Variants in CADPS observed in about 807,000 individuals in gnomAD.
CADPS encodes the protein calcium-dependent secretion activator 1.
A neutral mutation model predicts 167.3 loss-of-function variants in CADPS; 57 were observed. The observed-to-expected ratio is 0.34, with a 90% confidence interval of 0.28 to 0.42. The LOEUF is 0.42. Ranked by LOEUF, CADPS falls within the 20% of genes least tolerant of loss-of-function variation. The pLI, the probability that CADPS is intolerant of heterozygous loss-of-function variation, is 1.00. For synonymous variants in CADPS, 676 were observed against 635.3 expected (o/e 1.06, Z -0.96); for missense variants, 1,414 against 1,738.1 (o/e 0.81, Z 3.32).
intron 1 of CADPS, among the ~76,000 whole-genome samples, chr3:62,785,563 T>A (rs1459371259): frequency 6.6e-6 from 1 of 152,212 alleles, no homozygotes; most frequent in African/African-American, 2.4e-5. Flanking sequence ...GAATGTAATG[T>A]GATACTGTTA....
chr3:62,662,175 G>A (rs961312838), intron 4 of CADPS, 139 bp downstream of exon 4: 6 of 727,422 alleles, frequency 8.2e-6, no homozygotes, highest in Non-Finnish European at 1.4e-5. Flanking sequence ...GAGGGCTGAG[G>A]GCCCAATGAG....
chr3:62,692,203 A>G (rs1184359531), intron 3 of CADPS, among the ~76,000 whole-genome samples: 3 of 151,968 alleles, frequency 2.0e-5, no homozygotes, highest in Admixed American at 6.6e-5. Context: ...ATAGATATAT[A>G]TAGCTACCCA....
intron 8 of CADPS, among the ~76,000 whole-genome samples, chr3:62,575,876 G>A (rs1368348343): frequency 2.0e-5 from 3 of 152,188 alleles, no homozygotes. Context: ...GCTTGAGGGA[G>A]GGGCTTTCCC....
At chr3:62,684,846 A>G (rs1019563779) in intron 3 of CADPS, among the ~76,000 whole-genome samples, 2 of 151,990 alleles carry the variant, frequency 1.3e-5, no homozygotes, top group African/African-American at 4.8e-5. Context: ...ATGCAAGACG[A>G]CATTTACTAG....
intron 3 of CADPS, among the ~76,000 whole-genome samples, chr3:62,679,937 T>A (rs2076887986): frequency 6.6e-6 from 1 of 152,034 alleles, no homozygotes; most frequent in Non-Finnish European, 1.5e-5. Flanking sequence ...GGATGCAGAA[T>A]CATTGATAAA....
rs77468449 is a variant in CADPS at position 62,412,436 on chromosome 3, A to G, written c.3778-9251T>C. On this transcript the variant is annotated intron_variant, in intron 28 of 29. Transcript: ENST00000383710. This position sits in a 1 kb window ranked among gnomAD's most constrained non-coding sequence, Gnocchi z 4.1. ...AATGCAAAAGACATAATAATTTAAA[A>G]GATATATTTAAATTATTACTGCTTA... Among the ~76,000 whole-genome samples, 6,793 of 152,204 alleles carry G rather than the reference A, an allele frequency of 0.045. 231 individuals carry two copies. The highest frequency in any genetic ancestry group is 0.058 in the South Asian group (279 of 4,818).
At chr3:62,723,231 G>T (rs776436677) in intron 3 of CADPS, among the ~76,000 whole-genome samples, 2 of 152,186 alleles carry the variant, frequency 1.3e-5, no homozygotes, top group Non-Finnish European at 2.9e-5. Context: ...GCTGCGAGGA[G>T]GTAATTCAAA....
chr3:62,431,607 G>T (rs1414989449), intron 28 of CADPS, among the ~76,000 whole-genome samples: 2 of 151,160 alleles, frequency 1.3e-5, no homozygotes. Context: ...AGAACAATTG[G>T]CACGGCAGTC....
chr3:62,680,840 C>T (rs1337319585), intron 3 of CADPS, among the ~76,000 whole-genome samples: 1 of 151,994 alleles, frequency 6.6e-6, no homozygotes. Context: ...ATTGGTGGTG[C>T]TTGTGCTGGG....
chr3:62,863,263 C>T (rs1236598758), intron 1 of CADPS, among the ~76,000 whole-genome samples: 3 of 152,120 alleles, frequency 2.0e-5, no homozygotes, highest in Non-Finnish European at 4.4e-5. Flanking sequence ...TTGGCCCCAA[C>T]CCATGTGCTA....
intron 3 of CADPS, among the ~76,000 whole-genome samples, chr3:62,672,811 G>A (rs2075767162): frequency 6.6e-6 from 1 of 152,086 alleles, no homozygotes; most frequent in African/African-American, 2.4e-5. Context: ...GTAGAGACGG[G>A]GTCATGCTAC....
intron 10 of CADPS, among the ~76,000 whole-genome samples, 199 bp from the exon 11 acceptor site, chr3:62,550,314 A>G (rs1465234963): frequency 6.6e-6 from 1 of 152,010 alleles, no homozygotes; most frequent in Non-Finnish European, 1.5e-5. Flanking sequence ...CTGAGCCTGG[A>G]TCTTATCTTT....
chr3:62,692,217 C>T (rs1469732593), intron 3 of CADPS, among the ~76,000 whole-genome samples: 1 of 151,886 alleles, frequency 6.6e-6, no homozygotes, highest in Non-Finnish European at 1.5e-5. Context: ...CTACCCAGAA[C>T]TCACCCCAAA....
chr3:62,640,740 T>C (rs1181566620), intron 6 of CADPS, among the ~76,000 whole-genome samples: 5 of 152,206 alleles, frequency 3.3e-5, no homozygotes, highest in African/African-American at 9.6e-5. Flanking sequence ...CAGTAGAATA[T>C]AATTTCAGAT....
intron 1 of CADPS, 46 bp from the exon 2 acceptor site, chr3:62,766,030 C>G (rs994656323): frequency 7.3e-7 from 1 of 1,377,066 alleles, no homozygotes; most frequent in Non-Finnish European, 1.0e-6. Flanking sequence ...TTGTCCTAGA[C>G]AAGGATCATG....
At chr3:62,530,771 G>A (rs2073467293) in intron 13 of CADPS, 1 of 1,287,152 alleles carries the variant, frequency 7.8e-7, no homozygotes, top group Non-Finnish European at 1.0e-6. Context: ...TTCAGGGTCT[G>A]TATTTGGTGG....
chr3:62,859,370 GC>G (rs2080325102), intron 1 of CADPS, among the ~76,000 whole-genome samples: 1 of 152,062 alleles, frequency 6.6e-6, no homozygotes, highest in Non-Finnish European at 1.5e-5. Context: ...GACACATTAC[GC>G]CCCTCTTTAA....
chr3:62,502,270 A>G (rs950541327), intron 17 of CADPS, among the ~76,000 whole-genome samples: 5 of 151,994 alleles, frequency 3.3e-5, no homozygotes, highest in African/African-American at 9.7e-5. Flanking sequence ...CCTCTCCCCA[A>G]CAGAGGTCAA....
Position 62,875,172 on chromosome 3 carries a change from G to T in CADPS, c.-143C>A. 1.8e-6 allele frequency: 2 copies of T among 1,126,104 alleles called. No individual in the cohort carries two copies. Among genetic ancestry groups the T allele is most frequent in the Non-Finnish European group, 2.3e-6 (2 of 882,390 alleles). The allele number at this position is 1,126,104 out of a possible 1,614,324, so 69.8% of individuals were successfully genotyped here. A position where few individuals can be genotyped will look rare whatever the true frequency, so the allele number is the denominator to read the frequency against. Reference sequence around the variant, plus strand: ...AGCGAGAGCGCTGCTGCTCAGCCTCGGCCGCCGCGACTGATCCTCTGCCCG... The same window carrying T: ...AGCGAGAGCGCTGCTGCTCAGCCTCTGCCGCCGCGACTGATCCTCTGCCCG... On this transcript the variant is annotated 5_prime_UTR_variant, in exon 1 of 30. Transcript: ENST00000383710.
Sources: gnomAD v4.1 joint callset for allele counts (sites outside exome capture counted in the v4.1 genomes callset) on GRCh38, gnomAD v4.1.1 for gene constraint, Gnocchi (gnomAD v3.1) non-coding constraint, MANE v1.5 for transcripts, NCBI Gene and HGNC (gene_info 2026-07-23, HGNC 2026-07-21) for gene names.